Variants in PCSK2 observed in about 807,000 individuals in gnomAD.
PCSK2 encodes proprotein convertase subtilisin/kexin type 2.
In PCSK2, 14 loss-of-function variants were observed where a neutral mutation model predicts 69.7. The ratio of observed to expected loss-of-function variants is 0.20; its 90% CI spans 0.13 to 0.31. PCSK2 has a LOEUF of 0.31. PCSK2 is among the 10% of genes least tolerant of loss of function. The pLI, the probability that PCSK2 is intolerant of heterozygous loss-of-function variation, is 1.00. For missense variants in PCSK2, 544 were observed against 842.5 expected (o/e 0.65, Z 4.39); for synonymous variants, 307 against 320.7 (o/e 0.96, Z 0.46).
intron 1 of PCSK2, among the ~76,000 whole-genome samples, chr20:17,235,150 C>G (rs1008117675): frequency 3.3e-5 from 5 of 150,944 alleles, no homozygotes; most frequent in African/African-American, 4.8e-5. Flanking sequence ...GTCACTGAAG[C>G]TAATTTGACC....
intron 2 of PCSK2, among the ~76,000 whole-genome samples, chr20:17,285,517 A>T (rs143127636): frequency 0.019 from 2,928 of 152,298 alleles, 42 homozygotes; most frequent in Non-Finnish European, 0.031. Flanking sequence ...GGTCTGTTGA[A>T]GTCTAGTGCA....
rs118107938 is a variant in PCSK2, at chr20:17,350,630, G to A, written c.283-7697G>A. On this transcript the variant is annotated intron_variant, in intron 2 of 11. Transcript: ENST00000262545. ...TAGGGAGAGGCAATGCGGCTTAGTC[G>A]AAAGTTCATAGCATTGAGAATCCAT... Among the ~76,000 whole-genome samples the A allele has an allele frequency of 5.3e-3, 810 of 152,266 alleles. 3 individuals carry two copies. Among genetic ancestry groups the A allele is most frequent in the East Asian group, 0.035 (179 of 5,180 alleles).
At chr20:17,368,417 T>G (rs1008098266) in intron 4 of PCSK2, among the ~76,000 whole-genome samples, 1 of 152,186 alleles carries the variant, frequency 6.6e-6, no homozygotes, top group Non-Finnish European at 1.5e-5. Flanking sequence ...TGTCTTTGAC[T>G]CCACAGACCT....
At chr20:17,303,528 ATTAT>A (rs1989215258) in intron 2 of PCSK2, among the ~76,000 whole-genome samples, 1 of 39,928 alleles carries the variant, frequency 2.5e-5, no homozygotes, top group Non-Finnish European at 4.6e-5. Context: ...TATAATATAT[ATTAT>A]ATTATATATA....
intron 9 of PCSK2, among the ~76,000 whole-genome samples, chr20:17,455,689 T>C (rs1237585994): frequency 3.9e-5 from 6 of 152,122 alleles, no homozygotes; most frequent in Non-Finnish European, 5.9e-5. Flanking sequence ...AGGGTGGGGG[T>C]ATTGACATCA....
At chr20:17,458,011 T>C (rs993780156) in intron 10 of PCSK2, among the ~76,000 whole-genome samples, 49 of 152,340 alleles carry the variant, frequency 3.2e-4, no homozygotes, top group African/African-American at 1.0e-3. Flanking sequence ...TTAGTCACCA[T>C]TCTTTTAGCA....
chr20:17,385,739 G>A (rs1460306641), intron 5 of PCSK2, among the ~76,000 whole-genome samples: 3 of 152,182 alleles, frequency 2.0e-5, no homozygotes, highest in Admixed American at 2.0e-4. Flanking sequence ...AGGGGAGCAG[G>A]GGAGTGAAAA....
At chr20:17,355,567 G>A (rs2030165997) in intron 2 of PCSK2, among the ~76,000 whole-genome samples, 1 of 152,036 alleles carries the variant, frequency 6.6e-6, no homozygotes, top group African/African-American at 2.4e-5. Flanking sequence ...TGTATCTGAT[G>A]GCTATGTTTC....
chr20:17,363,896 C>T (rs1232291331), intron 4 of PCSK2, among the ~76,000 whole-genome samples: 1 of 152,152 alleles, frequency 6.6e-6, no homozygotes, highest in Non-Finnish European at 1.5e-5. Flanking sequence ...TTTAGGGAGG[C>T]AAGAAACTGC....
Position 17,482,094 on chromosome 20 carries a change from C to T in PCSK2, c.*24C>T. On this transcript the variant is annotated 3_prime_UTR_variant, in exon 12 of 12. Transcript: ENST00000262545. ...AGCGCTGCACATCCGCCTTTCCCACCGCCCTCCCTCCCCAGCTCCGCCTCT... is the reference window on the plus strand; with the variant it reads ...AGCGCTGCACATCCGCCTTTCCCACTGCCCTCCCTCCCCAGCTCCGCCTCT... The T allele has an allele frequency of 6.5e-7, 1 of 1,529,582 alleles. No homozygotes were observed. The highest frequency in any genetic ancestry group is 1.4e-5 in the African/African-American group (1 of 72,700). The allele number at this position is 1,529,582 out of a possible 1,614,324, so 94.8% of individuals were successfully genotyped here.
chr20:17,451,641 T>C (rs1283004359), intron 8 of PCSK2, among the ~76,000 whole-genome samples: 1 of 152,134 alleles, frequency 6.6e-6, no homozygotes, highest in Admixed American at 6.5e-5. Context: ...GCTTGGAGTC[T>C]AGGGGTAGGA....
intron 4 of PCSK2, among the ~76,000 whole-genome samples, chr20:17,361,385 G>C (rs1043487453): frequency 6.6e-6 from 1 of 152,198 alleles, no homozygotes; most frequent in Admixed American, 6.5e-5. Context: ...AAAACCAATG[G>C]GCTTGATGAA....
At chr20:17,333,473 A>G (rs756364140) in intron 2 of PCSK2, among the ~76,000 whole-genome samples, 7 of 152,130 alleles carry the variant, frequency 4.6e-5, no homozygotes, top group Non-Finnish European at 8.8e-5. Flanking sequence ...AGAGACACCT[A>G]TGGAAATGCT....
intron 2 of PCSK2, among the ~76,000 whole-genome samples, chr20:17,284,362 A>G (rs1283388412): frequency 6.6e-6 from 1 of 152,192 alleles, no homozygotes; most frequent in Non-Finnish European, 1.5e-5. Flanking sequence ...TAACTGTGAC[A>G]TACAGCACAC....
chr20:17,417,307 AGG>A (rs2032021567), intron 6 of PCSK2, among the ~76,000 whole-genome samples: 1 of 152,236 alleles, frequency 6.6e-6, no homozygotes, highest in Admixed American at 6.5e-5. Context: ...ATTAGTGCTT[AGG>A]GCAATAAAAC....
chr20:17,320,225 G>C (rs1600488158), intron 2 of PCSK2, among the ~76,000 whole-genome samples: 1 of 152,188 alleles, frequency 6.6e-6, no homozygotes, highest in Non-Finnish European at 1.5e-5. Flanking sequence ...ATGCCCAGGA[G>C]ACACTTAGCT....
At chr20:17,385,015 A>T (rs2031197194) in intron 5 of PCSK2, among the ~76,000 whole-genome samples, 1 of 152,326 alleles carries the variant, frequency 6.6e-6, no homozygotes, top group South Asian at 2.1e-4. Flanking sequence ...AGGGTTGGCT[A>T]ACTACACAGA....
rs140522302 is a variant in PCSK2, at chr20:17,465,559, TG to T, written c.1430+11del. On this transcript the variant is annotated splice_region_variant and intron_variant, in intron 11 of 11. Transcript: ENST00000262545. ...GGCTCCGTGCAGGACCCTGAGTAAG[TG>T]GGGGTAGTGGTCCCTCTGCTGCATG... 5,518 of 1,543,892 alleles carry T rather than the reference TG, an allele frequency of 3.6e-3. 180 individuals carry two copies. The African/African-American group carries it at 0.064, about 18-fold the overall frequency.
intron 2 of PCSK2, among the ~76,000 whole-genome samples, chr20:17,279,468 G>T (rs1461301155): frequency 1.3e-5 from 2 of 152,078 alleles, no homozygotes; most frequent in African/African-American, 4.8e-5. Context: ...TTCCATGAAA[G>T]CTATGTTTCT....
Sources: allele counts gnomAD v4.1 joint callset (sites outside exome capture counted in the v4.1 genomes callset), GRCh38; gene constraint gnomAD v4.1.1; transcripts MANE v1.5; gene names NCBI Gene and HGNC (gene_info 2026-07-23, HGNC 2026-07-21).